The following CYSLTR2 variants were observed in gnomAD, a reference collection of about 807,000 sequenced individuals.
CYSLTR2 encodes the protein G-protein coupled receptor GPCR21.
For synonymous variants in CYSLTR2, 179 were observed against 160.8 expected (o/e 1.11, Z -0.86); for missense variants, 398 against 411.9 (o/e 0.97, Z 0.29).
rs536269878 is a variant in CYSLTR2, at chr13:48,697,295, A to C, written c.-2+669A>C. Among the ~76,000 whole-genome samples, 668 of 152,124 alleles carry C rather than the reference A, an allele frequency of 4.4e-3. 3 individuals carry two copies. Among genetic ancestry groups the C allele is most frequent in the Middle Eastern group, 0.014 (4 of 294 alleles). On this transcript the variant is annotated intron_variant, in intron 4 of 4. Coordinates refer to ENST00000682523, the MANE Select transcript of CYSLTR2 (RefSeq NM_001308476.3). ...GACTGACACCTCATACAGCTGGGTGACCCTCTGAGATGAAGCTTCCAGAGG... is the reference window on the plus strand; with the variant it reads ...GACTGACACCTCATACAGCTGGGTGCCCCTCTGAGATGAAGCTTCCAGAGG...
At position 48,707,483 on chromosome 13, in the gene CYSLTR2, G is replaced by T; in HGVS notation, c.666G>T (p.Leu222=). ...TTTTCACACTCAGCATCTGTTATCT[G>T]CTGATCATTCGGGTTCTGTTAAAAG... ...LPFFTLSICY[L]LIIRVLLKVE... The change falls in exon 5 of 5, where the codon CTG becomes CTT. Residue 222 remains leucine, a synonymous_variant. Transcript: ENST00000682523. The T allele has an allele frequency of 6.2e-7, 1 of 1,613,224 alleles. No individual in the cohort carries two copies. The highest frequency in any genetic ancestry group is 8.5e-7 in the Non-Finnish European group (1 of 1,180,018).
At chr13:48,692,836 C>T (rs1954072850) in intron 2 of CYSLTR2, among the ~76,000 whole-genome samples, 1 of 151,264 alleles carries the variant, frequency 6.6e-6, no homozygotes. Context: ...TGATGTCATT[C>T]AAAGGAATTT....
chr13:48,708,997 T>TACA lies in CYSLTR2; in HGVS notation c.*1140_*1142dup, dbSNP rs1954575219. On this transcript the variant is annotated 3_prime_UTR_variant, in exon 5 of 5. Coordinates refer to ENST00000682523, the MANE Select transcript of CYSLTR2 (RefSeq NM_001308476.3). The stretch of plus-strand genomic sequence containing the variant: ...GCAGGGCAGATTATGCCAGGCACTT[T>TACA]ACATTTGTTGATCCCATTTGACATT... The TACA allele has an allele frequency of 1.2e-5, 2 of 167,140 alleles. No individual in the cohort carries two copies. Among genetic ancestry groups the TACA allele is most frequent in the Admixed American group, 6.5e-5 (1 of 15,296 alleles). 10.4% of individuals were successfully genotyped at this position (167,140 alleles called of 1,614,324 possible).
chr13:48,696,717 G>C (rs1033508452), intron 4 of CYSLTR2, 91 bp downstream of exon 4: 4 of 152,324 alleles, frequency 2.6e-5, no homozygotes, highest in Non-Finnish European at 4.4e-5. Flanking sequence ...AGCACAAGGG[G>C]TCAGGGAATT....
At chr13:48,682,720 C>A (rs958139129) in intron 1 of CYSLTR2, among the ~76,000 whole-genome samples, 3 of 152,122 alleles carry the variant, frequency 2.0e-5, no homozygotes, top group African/African-American at 7.2e-5. Flanking sequence ...TAATAGGGAA[C>A]TAATTTTTTT....
chr13:48,681,800 T>A (rs1233186441), intron 1 of CYSLTR2, among the ~76,000 whole-genome samples: 1 of 152,196 alleles, frequency 6.6e-6, no homozygotes, highest in Non-Finnish European at 1.5e-5. Flanking sequence ...ACAGCCCTGT[T>A]GATCTTGAGA....
intron 1 of CYSLTR2, among the ~76,000 whole-genome samples, chr13:48,687,511 T>C (rs1038727411): frequency 1.3e-5 from 2 of 152,202 alleles, no homozygotes; most frequent in Non-Finnish European, 2.9e-5. Flanking sequence ...ATCTATCATC[T>C]ATCAATCATC....
At chr13:48,697,345 G>C (rs568679412) in intron 4 of CYSLTR2, among the ~76,000 whole-genome samples, 1 of 152,136 alleles carries the variant, frequency 6.6e-6, no homozygotes, top group Admixed American at 6.5e-5. Context: ...AACATTTGCC[G>C]TTCTTCTATA....
intron 1 of CYSLTR2, among the ~76,000 whole-genome samples, chr13:48,683,318 A>G (rs547430137): frequency 1.3e-5 from 2 of 152,306 alleles, no homozygotes; most frequent in South Asian, 2.1e-4. Context: ...GCTTTCCACA[A>G]TGTCTGAACA....
At chr13:48,698,996 A>G (rs966901877) in intron 4 of CYSLTR2, among the ~76,000 whole-genome samples, 16 of 152,238 alleles carry the variant, frequency 1.1e-4, no homozygotes, top group African/African-American at 3.4e-4. Flanking sequence ...TATGCACCCA[A>G]TACAGGAGCA....
chr13:48,654,296 T>TGA (rs1566076330), intron 1 of CYSLTR2, among the ~76,000 whole-genome samples: 2 of 67,670 alleles, frequency 3.0e-5, no homozygotes, highest in East Asian at 6.9e-4. Flanking sequence ...TGTGTGTGTG[T>TGA]GTGTGTGTGA....
intron 1 of CYSLTR2, among the ~76,000 whole-genome samples, chr13:48,656,748 C>T (rs554781433): frequency 1.8e-4 from 28 of 152,290 alleles, no homozygotes; most frequent in Admixed American, 1.4e-3. Context: ...GCTCTGTGCA[C>T]CAGATATCTG....
intron 1 of CYSLTR2, among the ~76,000 whole-genome samples, chr13:48,690,084 G>A (rs2138935144): frequency 6.6e-6 from 1 of 152,258 alleles, no homozygotes; most frequent in Non-Finnish European, 1.5e-5. Context: ...AGGAATGCTT[G>A]TAATTTTTGC....
intron 1 of CYSLTR2, among the ~76,000 whole-genome samples, chr13:48,689,129 T>A (rs1438421939): frequency 6.6e-6 from 1 of 152,250 alleles, no homozygotes; most frequent in East Asian, 1.9e-4. Flanking sequence ...TAAATTTGTT[T>A]AAGTTCCTTG....
chr13:48,657,128 T>C (rs1032933052), intron 1 of CYSLTR2, among the ~76,000 whole-genome samples: 1 of 152,254 alleles, frequency 6.6e-6, no homozygotes, highest in Non-Finnish European at 1.5e-5. Context: ...GAATGCAGAC[T>C]TTATTAGTTA....
chr13:48,660,122 G>C (rs1332853745), intron 1 of CYSLTR2, among the ~76,000 whole-genome samples: 1 of 152,154 alleles, frequency 6.6e-6, no homozygotes, highest in Admixed American at 6.5e-5. Flanking sequence ...AGAGAAGCTA[G>C]CTTTTGGAGT....
intron 1 of CYSLTR2, among the ~76,000 whole-genome samples, chr13:48,683,319 T>C (rs990277500): frequency 1.3e-5 from 2 of 152,244 alleles, no homozygotes; most frequent in African/African-American, 4.8e-5. Context: ...CTTTCCACAA[T>C]GTCTGAACAA....
chr13:48,687,160 G>T (rs547215555), intron 1 of CYSLTR2, among the ~76,000 whole-genome samples: 1 of 152,194 alleles, frequency 6.6e-6, no homozygotes, highest in African/African-American at 2.4e-5. Flanking sequence ...GTGGGCCCCC[G>T]GGTTCTCAGG....
rs570729435 is a variant in CYSLTR2, at chr13:48,697,599, C to T, written c.-2+973C>T. Reference sequence around the variant, plus strand: ...AAGCTGAAAATTCTAAAAATCAGAGCGCCTCTTCTCCTCCAAAGGAATGCA... The same window carrying T: ...AAGCTGAAAATTCTAAAAATCAGAGTGCCTCTTCTCCTCCAAAGGAATGCA... On this transcript the variant is annotated intron_variant, in intron 4 of 4. Coordinates refer to ENST00000682523, the MANE Select transcript of CYSLTR2 (RefSeq NM_001308476.3). Among the ~76,000 whole-genome samples, 392 of 152,262 alleles carry T rather than the reference C, an allele frequency of 2.6e-3. 2 individuals carry two copies. Among genetic ancestry groups the T allele is most frequent in the Non-Finnish European group, 4.6e-3 (316 of 68,020 alleles).
Sources: allele counts gnomAD v4.1 joint callset (sites outside exome capture counted in the v4.1 genomes callset), GRCh38; gene constraint gnomAD v4.1.1; transcripts MANE v1.5; gene names NCBI Gene and HGNC (gene_info 2026-07-23, HGNC 2026-07-21).